FBXO33: variants seen among roughly 807,000 people sequenced by gnomAD.
FBXO33 encodes the protein F-box protein 33.
Under a neutral mutation model 46.3 loss-of-function variants are expected in FBXO33, and 22 were observed. That is an observed-to-expected ratio of 0.48 (90% CI 0.34 to 0.68). The LOEUF is 0.68. Among genes scored for constraint, FBXO33 ranks in the 30% least tolerant of loss-of-function variants. FBXO33 has a pLI of 0.01. For synonymous variants in FBXO33, 337 were observed against 291.3 expected (o/e 1.16, Z -1.60); for missense variants, 692 against 708.8 (o/e 0.98, Z 0.27).
intron 1 of FBXO33, among the ~76,000 whole-genome samples, chr14:39,430,911 C>T (rs2075542193): frequency 6.6e-6 from 1 of 152,120 alleles, no homozygotes; most frequent in African/African-American, 2.4e-5. Flanking sequence ...GCCCGCCCGC[C>T]TCCTCCGCCC....
chr14:39,398,813 G>T lies in FBXO33; in HGVS notation c.*703C>A, dbSNP rs1461045903. 1 of 152,216 alleles carries T rather than the reference G, an allele frequency of 6.6e-6. No individual in the cohort carries two copies. Among genetic ancestry groups the T allele is most frequent in the Non-Finnish European group, 1.5e-5 (1 of 68,022 alleles). The allele number at this position is 152,216 out of a possible 1,614,324, so 9.4% of individuals were successfully genotyped here. A position where few individuals can be genotyped will look rare whatever the true frequency, so the allele number is the denominator to read the frequency against. ...TTCTTCCCCCACTATTTGAAATCTGGGCTAAATGAATGTGTAATGTAATTG... is the reference window on the plus strand; with the variant it reads ...TTCTTCCCCCACTATTTGAAATCTGTGCTAAATGAATGTGTAATGTAATTG... On this transcript the variant is annotated 3_prime_UTR_variant, in exon 4 of 4. Transcript: ENST00000298097.
chr14:39,406,195 G>GA (rs2075397129), intron 1 of FBXO33, among the ~76,000 whole-genome samples: 1 of 151,908 alleles, frequency 6.6e-6, no homozygotes, highest in Non-Finnish European at 1.5e-5. Context: ...AAAAATTAAA[G>GA]GCTTCTAAAA....
intron 1 of FBXO33, among the ~76,000 whole-genome samples, chr14:39,411,306 C>G (rs1011698981): frequency 6.6e-6 from 1 of 151,816 alleles, no homozygotes; most frequent in Non-Finnish European, 1.5e-5. Flanking sequence ...GTTGGCCTGG[C>G]TGGTCTCAAA....
intron 1 of FBXO33, among the ~76,000 whole-genome samples, chr14:39,405,245 G>C (rs759066302): frequency 6.6e-6 from 1 of 152,086 alleles, no homozygotes; most frequent in South Asian, 2.1e-4. Flanking sequence ...AGTTAAGAAA[G>C]TATTTTAGTA....
chr14:39,421,044 C>G (rs1428414721), intron 1 of FBXO33, among the ~76,000 whole-genome samples: 1 of 152,286 alleles, frequency 6.6e-6, no homozygotes, highest in Admixed American at 6.5e-5. Flanking sequence ...ACAGGCATTA[C>G]CCAGCCCTGT....
chr14:39,406,740 T>C (rs1264636749), intron 1 of FBXO33, among the ~76,000 whole-genome samples: 3 of 152,142 alleles, frequency 2.0e-5, no homozygotes, highest in African/African-American at 4.8e-5. Flanking sequence ...GATTTGTACA[T>C]GTGTTGGGCA....
intron 1 of FBXO33, among the ~76,000 whole-genome samples, chr14:39,427,434 T>C (rs4902636): frequency 0.27 from 40,824 of 152,128 alleles, 5,725 homozygotes; most frequent in East Asian, 0.51. Flanking sequence ...TATTTTAATA[T>C]ATTTATTCTG....
At chr14:39,423,738 A>G (rs552262073) in intron 1 of FBXO33, among the ~76,000 whole-genome samples, 35 of 152,326 alleles carry the variant, frequency 2.3e-4, no homozygotes, top group African/African-American at 7.0e-4. Context: ...GTTACCTTTG[A>G]GGAAAGGGAG....
intron 1 of FBXO33, among the ~76,000 whole-genome samples, chr14:39,427,499 T>C (rs1035674331): frequency 1.3e-5 from 2 of 152,160 alleles, no homozygotes; most frequent in African/African-American, 4.8e-5. Context: ...AGATGAAACA[T>C]TGTTAGACAT....
intron 1 of FBXO33, among the ~76,000 whole-genome samples, chr14:39,408,264 T>C (rs867421441): frequency 1.3e-5 from 2 of 152,122 alleles, no homozygotes; most frequent in Admixed American, 6.5e-5. Flanking sequence ...TTTTTGATAA[T>C]AGACATGCTA....
chr14:39,416,911 T>C (rs994654548), intron 1 of FBXO33, among the ~76,000 whole-genome samples: 4 of 152,224 alleles, frequency 2.6e-5, no homozygotes, highest in Admixed American at 6.5e-5. Flanking sequence ...ATGTTCCTTG[T>C]ATGGCTGCAT....
At chr14:39,423,363 G>C (rs1408234172) in intron 1 of FBXO33, among the ~76,000 whole-genome samples, 1 of 152,116 alleles carries the variant, frequency 6.6e-6, no homozygotes, top group African/African-American at 2.4e-5. Context: ...AAGCTTTTTG[G>C]TTATTTCTAC....
At chr14:39,431,319 C>T (rs1293851605) in intron 1 of FBXO33, among the ~76,000 whole-genome samples, 2 of 152,154 alleles carry the variant, frequency 1.3e-5, no homozygotes, top group African/African-American at 2.4e-5. Flanking sequence ...TGAATGAGTG[C>T]CTGGAAGGCG....
chr14:39,410,014 T>C (rs984253849), intron 1 of FBXO33, among the ~76,000 whole-genome samples: 1 of 152,176 alleles, frequency 6.6e-6, no homozygotes, highest in Non-Finnish European at 1.5e-5. Flanking sequence ...CAGATTTGGA[T>C]GCTTTTATTT....
At chr14:39,410,137 C>T (rs2075416068) in intron 1 of FBXO33, among the ~76,000 whole-genome samples, 1 of 152,130 alleles carries the variant, frequency 6.6e-6, no homozygotes, top group African/African-American at 2.4e-5. Flanking sequence ...CGGTTTTTCA[C>T]TATTGAGTAT....
In FBXO33 at chr14:39,398,129, A is replaced by G. The variant is rs1196689332; in HGVS notation, c.*1387T>C. 6.5e-6 allele frequency: 1 copy of G among 152,692 alleles called. No individual in the cohort carries two copies. The highest frequency in any genetic ancestry group is 1.5e-5 in the Non-Finnish European group (1 of 68,054). The allele number at this position is 152,692 out of a possible 1,614,324, so 9.5% of individuals were successfully genotyped here. On this transcript the variant is annotated 3_prime_UTR_variant, in exon 4 of 4. Transcript: ENST00000298097. ...ATAAATTGTGTTTCCAAAGCTTACA[A>G]TAGAGCAGCCAGGTCTCAGCACTGC...
chr14:39,423,635 G>C (rs2075496158), intron 1 of FBXO33, among the ~76,000 whole-genome samples: 1 of 152,020 alleles, frequency 6.6e-6, no homozygotes, highest in African/African-American at 2.4e-5. Context: ...GAGCAAAAGA[G>C]GTCAGATTCT....
At chr14:39,421,787 C>CACACACACAA (rs1324278466) in intron 1 of FBXO33, among the ~76,000 whole-genome samples, 1 of 55,980 alleles carries the variant, frequency 1.8e-5, no homozygotes, top group African/African-American at 1.1e-4. Context: ...AAATCACACA[C>CACACACACAA]ACACACACAC....
chr14:39,419,142 G>A (rs185840601), intron 1 of FBXO33, among the ~76,000 whole-genome samples: 2 of 152,290 alleles, frequency 1.3e-5, no homozygotes, highest in African/African-American at 4.8e-5. Flanking sequence ...AGAGAATCGA[G>A]GTTTTAACTT....
Sources: allele counts gnomAD v4.1 joint callset (sites outside exome capture counted in the v4.1 genomes callset), GRCh38; gene constraint gnomAD v4.1.1; transcripts MANE v1.5; gene names NCBI Gene and HGNC (gene_info 2026-07-23, HGNC 2026-07-21).